ALG6: variants seen among roughly 807,000 people sequenced by gnomAD.
The protein encoded by ALG6 is ALG6 alpha-1,3-glucosyltransferase.
ALG6 carries 46 observed loss-of-function variants against 66.6 expected under a neutral mutation model. The ratio of observed to expected loss-of-function variants is 0.69; its 90% CI spans 0.55 to 0.88. The LOEUF is 0.88. ALG6 is among the 40% of genes least tolerant of loss of function. The pLI, the probability that ALG6 is intolerant of heterozygous loss-of-function variation, is 0.00. For missense variants in ALG6, 505 were observed against 586.8 expected, an observed-to-expected ratio of 0.86 and a Z score of 1.44; for synonymous variants, 185 against 203.7, an observed-to-expected ratio of 0.91 and a Z score of 0.78.
intron 12 of ALG6, among the ~76,000 whole-genome samples, chr1:63,427,971 T>C (rs1017889470): frequency 6.6e-6 from 1 of 151,822 alleles, no homozygotes; most frequent in Admixed American, 6.6e-5. Flanking sequence ...CAAGCCCAGC[T>C]AATTTTTTTT....
intron 2 of ALG6, among the ~76,000 whole-genome samples, chr1:63,381,236 T>C (rs984819912): frequency 1.4e-4 from 21 of 152,132 alleles, no homozygotes; most frequent in African/African-American, 4.3e-4. Flanking sequence ...AGGCGGATCA[T>C]GAGGTCAGGA....
Position 63,412,018 on chromosome 1 carries a change from A to G in ALG6, c.773A>G (p.Gln258Arg). Reference protein sequence around the residue: ...PFFTEREQTLQVLRRLFPVDR... With the variant: ...PFFTEREQTLRVLRRLFPVDR... ...TTTACAGAAAGGGAACAAACCCTGC[A>G]GGTTCTAAGAAGACTCTTCCCGGTT... Residue 258 changes from glutamine to arginine, a missense_variant, in exon 9 of 15, where the codon CAG becomes CGG. Coordinates refer to ENST00000263440, the MANE Select transcript of ALG6 (RefSeq NM_013339.4). 2 of 1,614,126 alleles carry G rather than the reference A, an allele frequency of 1.2e-6. No individual in the cohort carries two copies. Among genetic ancestry groups the G allele is most frequent in the Non-Finnish European group, 8.5e-7 (1 of 1,179,992 alleles).
intron 3 of ALG6, among the ~76,000 whole-genome samples, chr1:63,400,984 TGCCTG>T (rs923968120): frequency 2.2e-4 from 34 of 152,040 alleles, no homozygotes; most frequent in African/African-American, 7.9e-4. Context: ...CTCCATTATT[TGCCTG>T]GCCCGGTTTC....
In ALG6 at chr1:63,381,181, G is replaced by A. The variant is rs2143835; in HGVS notation, c.82+10122G>A. Among the ~76,000 whole-genome samples, 1,470 of 152,016 alleles carry A rather than the reference G, an allele frequency of 9.7e-3. 24 individuals carry two copies. Among genetic ancestry groups the A allele is most frequent in the African/African-American group, 0.033 (1,359 of 41,454 alleles). ...TAAAAAATACAAAAATTGGCCAGGC[G>A]CGGTGGCTCACGCCTGTAATCCCAG... On this transcript the variant is annotated intron_variant, in intron 2 of 14. Coordinates refer to ENST00000263440, the MANE Select transcript of ALG6 (RefSeq NM_013339.4).
intron 12 of ALG6, 187 bp from the exon 13 acceptor site, chr1:63,428,546 G>A (rs752107816): frequency 1.6e-5 from 8 of 493,412 alleles, no homozygotes; most frequent in Non-Finnish European, 3.5e-6. Context: ...ACACCTCTGT[G>A]CCTGTGTCTA....
At chr1:63,413,887 T>G (rs756518794) in intron 9 of ALG6, 174 bp from the exon 10 acceptor site, 22 of 536,502 alleles carry the variant, frequency 4.1e-5, no homozygotes, top group East Asian at 9.9e-5. Flanking sequence ...GAAAAATGCT[T>G]GAGACAGTGT....
chr1:63,375,997 A>G (rs1190173409), intron 2 of ALG6, among the ~76,000 whole-genome samples: 1 of 151,294 alleles, frequency 6.6e-6, no homozygotes, highest in Non-Finnish European at 1.5e-5. Flanking sequence ...TTTTAAAACA[A>G]TCAGTCTTAT....
At chr1:63,404,237 A>T (rs997401392) in intron 4 of ALG6, among the ~76,000 whole-genome samples, 5 of 152,180 alleles carry the variant, frequency 3.3e-5, no homozygotes, top group African/African-American at 1.2e-4. Flanking sequence ...TACCTTACAT[A>T]GTTTTGTTGG....
At chr1:63,408,125 A>G (rs761128584) in intron 7 of ALG6, among the ~76,000 whole-genome samples, 1 of 152,170 alleles carries the variant, frequency 6.6e-6, no homozygotes. Context: ...GAAATAGAAC[A>G]TTACTAGTAT....
At chr1:63,396,634 A>G (rs774061632) in intron 3 of ALG6, 37 bp downstream of exon 3, 1 of 1,530,018 alleles carries the variant, frequency 6.5e-7, no homozygotes, top group Admixed American at 1.7e-5. Flanking sequence ...TGTTTATCAT[A>G]GTTAATACAG....
rs140950050 is a variant in ALG6, at chr1:63,436,537, TAAG to T, written c.1327-281_1327-279del. Among the ~76,000 whole-genome samples, 219 of 152,218 alleles carry T rather than the reference TAAG, an allele frequency of 1.4e-3. 1 individual carries two copies. The highest frequency in any genetic ancestry group is 5.2e-3 in the African/African-American group (215 of 41,546). ...TTCAGTGCCTTGGTGGTAGGAAGTA[TAAG>T]AAGACAGGGGTCCTCAGGTTTTGGC... On this transcript the variant is annotated intron_variant, in intron 14 of 14. Transcript: ENST00000263440.
chr1:63,422,303 A>G (rs1194881150), intron 12 of ALG6, among the ~76,000 whole-genome samples: 3 of 86,072 alleles, frequency 3.5e-5, no homozygotes, highest in African/African-American at 1.8e-4. Context: ...ATATAGATAT[A>G]AATATATATC....
chr1:63,379,544 G>A (rs1464965087), intron 2 of ALG6, among the ~76,000 whole-genome samples: 1 of 151,982 alleles, frequency 6.6e-6, no homozygotes, highest in Non-Finnish European at 1.5e-5. Context: ...CTTACTGACT[G>A]CACAGGGCTC....
intron 4 of ALG6, 117 bp downstream of exon 4, chr1:63,402,460 ATTT>A (rs760751565): frequency 0.022 from 5,653 of 257,600 alleles, no homozygotes; most frequent in Middle Eastern, 0.037. Context: ...CTGCTATTGT[ATTT>A]TTTTTTTTTT....
intron 11 of ALG6, among the ~76,000 whole-genome samples, chr1:63,416,992 G>A (rs189707329): frequency 7.9e-5 from 12 of 152,262 alleles, no homozygotes; most frequent in Admixed American, 7.9e-4. Flanking sequence ...ACATAACAGC[G>A]AAATACTTCA....
intron 2 of ALG6, among the ~76,000 whole-genome samples, chr1:63,384,574 C>T (rs1454549295): frequency 1.3e-5 from 2 of 152,106 alleles, no homozygotes; most frequent in East Asian, 3.9e-4. Context: ...AGACCAATGT[C>T]CTAGAGAGTT....
intron 2 of ALG6, among the ~76,000 whole-genome samples, chr1:63,381,038 G>C (rs530625476): frequency 1.3e-4 from 20 of 152,322 alleles, no homozygotes; most frequent in Non-Finnish European, 2.6e-4. Flanking sequence ...GAAAAATGGT[G>C]GCTGGGCCCA....
intron 4 of ALG6, among the ~76,000 whole-genome samples, chr1:63,402,675 C>T (rs2100413313): frequency 6.7e-6 from 1 of 150,362 alleles, no homozygotes; most frequent in South Asian, 2.1e-4. Flanking sequence ...CCATGTTGGC[C>T]AAGCTGGTCT....
chr1:63,410,402 G>C (rs1352012254), intron 7 of ALG6, among the ~76,000 whole-genome samples: 1 of 151,996 alleles, frequency 6.6e-6, no homozygotes, highest in African/African-American at 2.4e-5. Context: ...CTCCAGGCTT[G>C]CACCACCACA....
Sources: gnomAD v4.1 joint callset for allele counts (sites outside exome capture counted in the v4.1 genomes callset) on GRCh38, gnomAD v4.1.1 for gene constraint, MANE v1.5 for transcripts, NCBI Gene and HGNC (gene_info 2026-07-23, HGNC 2026-07-21) for gene names.